MYBL1: variants seen among roughly 807,000 people sequenced by gnomAD.
MYBL1 encodes myb-related protein A.
Under a neutral mutation model 96.3 loss-of-function variants are expected in MYBL1, and 17 were observed. The observed-to-expected ratio is 0.18, with a 90% CI of 0.12 to 0.26. The LOEUF is 0.26. Ranked by LOEUF, MYBL1 falls within the 10% of genes least tolerant of loss-of-function variation. The pLI is 1.00. For synonymous variants in MYBL1, 282 were observed against 292.7 expected (o/e 0.96, Z 0.37); for missense variants, 701 against 882.9 (o/e 0.79, Z 2.61).
intron 8 of MYBL1, among the ~76,000 whole-genome samples, chr8:66,582,108 T>G (rs138004770): frequency 4.4e-4 from 66 of 151,688 alleles, no homozygotes; most frequent in African/African-American, 1.4e-3. Context: ...ATAATAAACA[T>G]TAAGAGAGGA....
rs1363197449 is a variant in MYBL1, at chr8:66,580,203, TCCA to T, written c.1028_1030del (p.Val343del). The T allele has an allele frequency of 4.3e-6, 7 of 1,613,852 alleles. No individual in the cohort carries two copies. The highest frequency in any genetic ancestry group is 5.9e-6 in the Non-Finnish European group (7 of 1,179,892). On this transcript the variant is annotated inframe_deletion, in exon 9 of 16. Transcript: ENST00000522677. The stretch of plus-strand genomic sequence containing the variant: ...CAAAGAGGATAACACAGCGTTTGCC[TCCA>T]CGGCCAGGAACTTTGTGGGTGAATT...
intron 8 of MYBL1, among the ~76,000 whole-genome samples, chr8:66,590,389 T>G (rs1032578431): frequency 6.6e-6 from 1 of 152,008 alleles, no homozygotes; most frequent in African/African-American, 2.4e-5. Flanking sequence ...GAGGCCAAGG[T>G]GGGCAAATCA....
rs1488425436 is a variant in MYBL1, at chr8:66,573,399, C to T, written c.1578G>A (p.Lys526=). 6.2e-7 allele frequency: 1 copy of T among 1,611,128 alleles called. No individual in the cohort carries two copies. The change falls in exon 11 of 16, where the codon AAG becomes AAA. Residue 526 remains lysine (K), a synonymous_variant. Transcript: ENST00000522677. ...QKALITTPLH[K]ETTPKDQKEN... ...CCTTTTGATCTTTGGGAGTTGTTTC[C>T]TTATGAAGAGGAGTTGTAATGAGAG...
intron 5 of MYBL1, among the ~76,000 whole-genome samples, chr8:66,596,888 T>C (rs72652789): frequency 2.0e-5 from 3 of 152,264 alleles, no homozygotes; most frequent in Non-Finnish European, 4.4e-5. Context: ...CATAATTAAT[T>C]AAGATTGAAT....
At chr8:66,570,877 TAAA>T (rs1475913735) in intron 12 of MYBL1, among the ~76,000 whole-genome samples, 1 of 152,088 alleles carries the variant, frequency 6.6e-6, no homozygotes, top group Non-Finnish European at 1.5e-5. Context: ...TACGCATAAA[TAAA>T]AACTCTAGGA....
chr8:66,602,467 T>A lies in MYBL1; in HGVS notation c.77A>T (p.Gln26Leu), dbSNP rs748563372. 4 of 1,609,388 alleles carry A rather than the reference T, an allele frequency of 2.5e-6. No homozygotes were observed. In the South Asian group the frequency reaches 4.4e-5, roughly 18 times the overall value. ...YADHDYEVPQ[Q>L]KGLKKLWNRV... ...GTTCCAGAGTTTCTTCAGTCCTTTTTGTTGTGGTACTTCATAATCATGATC... is the reference window on the plus strand; with the variant it reads ...GTTCCAGAGTTTCTTCAGTCCTTTTAGTTGTGGTACTTCATAATCATGATC... Residue 26 changes from glutamine to leucine, a missense_variant, in exon 2 of 16, where the codon CAA becomes CTA. Gln to Leu is a moderately radical substitution (Grantham distance 113). Coordinates refer to ENST00000522677, the MANE Select transcript of MYBL1 (RefSeq NM_001080416.4).
intron 12 of MYBL1, among the ~76,000 whole-genome samples, chr8:66,570,432 C>A (rs913812807): frequency 1.3e-5 from 2 of 151,756 alleles, no homozygotes; most frequent in African/African-American, 4.8e-5. Context: ...AGGACTACTA[C>A]AAGAGCATAC....
At chr8:66,593,239 A>T in intron 6 of MYBL1, 45 bp from the exon 7 acceptor site, 1 of 1,248,326 alleles carries the variant, frequency 8.0e-7, no homozygotes, top group Non-Finnish European at 1.1e-6. Context: ...TAATGCTATA[A>T]ATGTTGAAAA....
At chr8:66,604,512 TAAAAAA>T (rs879543352) in intron 1 of MYBL1, among the ~76,000 whole-genome samples, 3 of 138,308 alleles carry the variant, frequency 2.2e-5, no homozygotes, top group Non-Finnish European at 3.2e-5. Flanking sequence ...ATTTCAAAAT[TAAAAAA>T]AAAAAAAGAT....
chr8:66,568,144 T>C (rs1457899598), intron 12 of MYBL1, among the ~76,000 whole-genome samples: 1 of 151,540 alleles, frequency 6.6e-6, no homozygotes, highest in African/African-American at 2.4e-5. Context: ...GGTATTCATA[T>C]ATAAATGAGA....
intron 9 of MYBL1, 124 bp from the exon 10 acceptor site, chr8:66,576,499 T>C: frequency 8.7e-7 from 1 of 1,154,218 alleles, no homozygotes; most frequent in African/African-American, 1.5e-5. Flanking sequence ...AATGCTTTCC[T>C]TGGACATTTT....
Position 66,564,703 on chromosome 8 carries a change from T to C in MYBL1, c.2253A>G (p.Ile751Met). The C allele has an allele frequency of 6.3e-7, 1 of 1,577,516 alleles. No individual in the cohort carries two copies. The highest frequency in any genetic ancestry group is 8.6e-7 in the Non-Finnish European group (1 of 1,158,568). ...TCATCAATTTTAATAACAATTACAG[T>C]ATGAGAGCTCTTGAAGTACTACTGG... Reference protein sequence around the residue: ...TATSSTSRALIL With the variant: ...TATSSTSRALML The change falls in exon 16 of 16, where the codon ATA (isoleucine) becomes ATG (methionine). Residue 751 changes from isoleucine (I) to methionine (M), a missense_variant. Physicochemically the swap from Ile to Met is conservative, Grantham distance 10. Around this residue, in one of 5 missense-constraint regions of MYBL1, gnomAD observed 137 missense variants for 137.5 expected, o/e 1.00. Transcript: ENST00000522677.
chr8:66,591,609 C>G (rs1175191077), intron 8 of MYBL1, among the ~76,000 whole-genome samples: 2 of 151,884 alleles, frequency 1.3e-5, no homozygotes, highest in African/African-American at 4.8e-5. Context: ...CTAAATGTTC[C>G]TTTTTCCATA....
intron 1 of MYBL1, among the ~76,000 whole-genome samples, chr8:66,609,150 T>C (rs1046613399): frequency 1.3e-5 from 2 of 152,080 alleles, no homozygotes; most frequent in African/African-American, 2.4e-5. Context: ...CAGGACATGA[T>C]AGTCATGACT....
Position 66,597,315 on chromosome 8 carries a change from C to T in MYBL1, c.512+15G>A. On this transcript the variant is annotated intron_variant, in intron 5 of 15. Coordinates refer to ENST00000522677, the MANE Select transcript of MYBL1 (RefSeq NM_001080416.4). ...GTTTAAGTACAGAAAAATATATATA[C>T]ATTTATATAAGCACCTTCCTGGAAG... The T allele has an allele frequency of 3.3e-6, 5 of 1,517,026 alleles. No individual in the cohort carries two copies. Among genetic ancestry groups the T allele is most frequent in the Non-Finnish European group, 4.5e-6 (5 of 1,122,528 alleles). 94.0% of individuals were successfully genotyped at this position (1,517,026 alleles called of 1,614,324 possible).
intron 3 of MYBL1, among the ~76,000 whole-genome samples, chr8:66,601,055 T>C (rs549065602): frequency 6.7e-4 from 101 of 151,604 alleles, no homozygotes; most frequent in African/African-American, 2.4e-3. Context: ...TTCATGCCTG[T>C]AATCCCAGCT....
intron 1 of MYBL1, among the ~76,000 whole-genome samples, chr8:66,603,621 G>A (rs539375933): frequency 1.3e-5 from 2 of 151,998 alleles, no homozygotes; most frequent in Admixed American, 6.6e-5. Flanking sequence ...CTCCCGAGTA[G>A]CTGGGACTAC....
chr8:66,583,356 T>C (rs1179960658), intron 8 of MYBL1, among the ~76,000 whole-genome samples: 1 of 151,376 alleles, frequency 6.6e-6, no homozygotes, highest in African/African-American at 2.4e-5. Flanking sequence ...AAAAGGGAAG[T>C]TTATAGAAAT....
At chr8:66,601,893 ACTAT>A in intron 2 of MYBL1, 124 bp from the exon 3 acceptor site, 1 of 454,024 alleles carries the variant, frequency 2.2e-6, no homozygotes, top group Non-Finnish European at 4.0e-6. Context: ...AAAGCCACCC[ACTAT>A]AATACAAATT....
Sources: allele counts gnomAD v4.1 joint callset (sites outside exome capture counted in the v4.1 genomes callset), GRCh38; gene constraint gnomAD v4.1.1; regional missense constraint gnomAD v4.1.1; transcripts MANE v1.5; gene names NCBI Gene and HGNC (gene_info 2026-07-23, HGNC 2026-07-21).